NPAS2: variants seen among roughly 807,000 people sequenced by gnomAD.
NPAS2 encodes neuronal PAS domain protein 2, also known as neuronal PAS domain-containing protein 2.
A neutral mutation model predicts 107.5 loss-of-function variants in NPAS2; 23 were observed. The observed-to-expected ratio is 0.21, with a 90% CI of 0.15 to 0.30. The LOEUF (loss-of-function observed/expected upper bound fraction) is 0.30. NPAS2 is among the 10% of genes least tolerant of loss of function. The pLI is 1.00. For missense variants in NPAS2, 756 were observed against 1,043.3 expected (o/e 0.72, Z 3.79); for synonymous variants, 403 against 417.5 (o/e 0.97, Z 0.42).
At chr2:100,950,476 T>C (rs4851386) in intron 7 of NPAS2, among the ~76,000 whole-genome samples, 79,980 of 152,096 alleles carry the variant, frequency 0.53, 21,159 homozygotes, top group Middle Eastern at 0.63. Flanking sequence ...GGTCTATTCC[T>C]TCAGTCAAAT....
chr2:100,875,027 T>G (rs1240721522), intron 1 of NPAS2, among the ~76,000 whole-genome samples: 2 of 152,212 alleles, frequency 1.3e-5, no homozygotes, highest in African/African-American at 4.8e-5. Context: ...AGGTTGATAT[T>G]TTTATCATTT....
At chr2:100,955,147 A>G (rs1675494700) in intron 7 of NPAS2, among the ~76,000 whole-genome samples, 1 of 152,118 alleles carries the variant, frequency 6.6e-6, no homozygotes. Flanking sequence ...CTGTATTTTT[A>G]TAGGACACTT....
Position 100,899,174 on chromosome 2 carries a change from C to T in NPAS2, c.-22-5559C>T, listed in dbSNP as rs932183926. 3.3e-5 allele frequency among the ~76,000 whole-genome samples: 5 copies of T among 150,760 alleles called. No homozygotes were observed. The South Asian group carries it at 8.4e-4, about 25-fold the overall frequency. ...GTGCTAGAGTGGAAAACGGACGTTA[C>T]GTAAAAACTGAGGAAGTCTGAGCAA... On this transcript the variant is annotated intron_variant, in intron 1 of 20. Transcript: ENST00000335681.
intron 17 of NPAS2, 43 bp from the exon 18 acceptor site, chr2:100,990,213 G>A (rs773137708): frequency 1.3e-6 from 2 of 1,591,500 alleles, no homozygotes; most frequent in African/African-American, 1.3e-5. Flanking sequence ...ATGGCCCAGG[G>A]TTGAGTCCAA....
intron 1 of NPAS2, among the ~76,000 whole-genome samples, chr2:100,892,050 CCA>C (rs1391222560): frequency 2.6e-5 from 4 of 152,194 alleles, no homozygotes; most frequent in Non-Finnish European, 4.4e-5. Context: ...CACACCCTGA[CCA>C]CACACTGTCA....
intron 1 of NPAS2, among the ~76,000 whole-genome samples, chr2:100,833,768 G>A (rs1290458425): frequency 6.6e-6 from 1 of 152,214 alleles, no homozygotes; most frequent in Non-Finnish European, 1.5e-5. Context: ...TGATGAATGT[G>A]ACATGTGCTA....
At chr2:100,847,511 A>C (rs549398157) in intron 1 of NPAS2, among the ~76,000 whole-genome samples, 2 of 152,122 alleles carry the variant, frequency 1.3e-5, no homozygotes, top group South Asian at 4.2e-4. Flanking sequence ...CTGGGACTAT[A>C]GGCACCCACC....
chr2:100,921,822 C>T (rs946004261), intron 2 of NPAS2, among the ~76,000 whole-genome samples: 1 of 152,154 alleles, frequency 6.6e-6, no homozygotes, highest in Admixed American at 6.5e-5. Flanking sequence ...AATTCCATGC[C>T]TCTGTATTCA....
intron 6 of NPAS2, 74 bp from the exon 7 acceptor site, chr2:100,949,293 A>C: frequency 1.2e-6 from 1 of 862,732 alleles, no homozygotes; most frequent in Non-Finnish European, 2.0e-6. Flanking sequence ...GAGTTTTCAC[A>C]GAGACGCTAC....
At chr2:100,876,547 C>A (rs1315768466) in intron 1 of NPAS2, among the ~76,000 whole-genome samples, 1 of 152,224 alleles carries the variant, frequency 6.6e-6, no homozygotes, top group Non-Finnish European at 1.5e-5. Context: ...CCAAATAATT[C>A]TGCTGCCCAG....
At chr2:100,926,375 C>T (rs1217207361) in intron 3 of NPAS2, among the ~76,000 whole-genome samples, 2 of 152,128 alleles carry the variant, frequency 1.3e-5, no homozygotes, top group South Asian at 2.1e-4. Flanking sequence ...TGGCTTGTAC[C>T]TATTTATATT....
chr2:100,860,853 A>G (rs1038600849), intron 1 of NPAS2, among the ~76,000 whole-genome samples: 9 of 151,018 alleles, frequency 6.0e-5, no homozygotes, highest in African/African-American at 2.0e-4. Context: ...TGGACTTAGC[A>G]TGGTTTTTTT....
chr2:100,967,738 A>G (rs2105175034), intron 10 of NPAS2, among the ~76,000 whole-genome samples: 1 of 152,222 alleles, frequency 6.6e-6, no homozygotes, highest in South Asian at 2.1e-4. Flanking sequence ...AGCAGACATC[A>G]CTATGGGGGG....
In NPAS2 at chr2:100,990,885, T is replaced by TGGCGGGA. The variant is rs767632851; in HGVS notation, c.2111+17_2111+23dup. ...GACGGCAAGTCAAGTACGTGGACCC[T>TGGCGGGA]GGCGGGAGGCAGGAGGCAAGCGCTG... On this transcript the variant is annotated intron_variant, in intron 19 of 20. Transcript: ENST00000335681. 2.0e-5 allele frequency: 32 copies of TGGCGGGA among 1,612,244 alleles called. No homozygotes were observed. The highest frequency in any genetic ancestry group is 2.7e-5 in the Non-Finnish European group (32 of 1,178,524).
chr2:100,941,758 G>C (rs1184767468), intron 5 of NPAS2, among the ~76,000 whole-genome samples: 2 of 152,180 alleles, frequency 1.3e-5, no homozygotes, highest in African/African-American at 4.8e-5. Flanking sequence ...GCCTTGGACA[G>C]AATGGGGAAA....
chr2:100,869,972 T>TC (rs1679478980), intron 1 of NPAS2, among the ~76,000 whole-genome samples: 1 of 150,850 alleles, frequency 6.6e-6, no homozygotes, highest in Non-Finnish European at 1.5e-5. Flanking sequence ...TGGCACGATC[T>TC]TGGCTCACTG....
chr2:100,995,775 CGTGT>C lies in NPAS2; in HGVS notation c.*194_*197del. 1 of 1,549,020 alleles carries C rather than the reference CGTGT, an allele frequency of 6.5e-7. No homozygotes were observed. Among genetic ancestry groups the C allele is most frequent in the Non-Finnish European group, 8.7e-7 (1 of 1,146,578 alleles). Reference sequence around the variant, plus strand: ...AGTGGAAATGATCAGGAATACTGACCGTGTTTCTCTTGCCTCCGAGGTTCTTGGG... The same window carrying C: ...AGTGGAAATGATCAGGAATACTGACCTTCTCTTGCCTCCGAGGTTCTTGGG... On this transcript the variant is annotated 3_prime_UTR_variant, in exon 21 of 21. Transcript: ENST00000335681.
chr2:100,991,844 C>T (rs1387681319), intron 19 of NPAS2, among the ~76,000 whole-genome samples: 1 of 152,194 alleles, frequency 6.6e-6, no homozygotes, highest in African/African-American at 2.4e-5. Flanking sequence ...GGGCTGGAGG[C>T]CAGCTAACTC....
intron 3 of NPAS2, among the ~76,000 whole-genome samples, chr2:100,930,449 T>C (rs1683861643): frequency 6.6e-6 from 1 of 152,152 alleles, no homozygotes; most frequent in African/African-American, 2.4e-5. Context: ...TGGGTACAAG[T>C]GATATCAGAG....
Sources: allele counts gnomAD v4.1 joint callset (sites outside exome capture counted in the v4.1 genomes callset), GRCh38; gene constraint gnomAD v4.1.1; transcripts MANE v1.5; gene names NCBI Gene and HGNC (gene_info 2026-07-23, HGNC 2026-07-21).